Variants in TCF7L2 observed in about 807,000 individuals in gnomAD.
TCF7L2 encodes the protein transcription factor 7-like 2.
TCF7L2 carries 23 observed loss-of-function variants against 77.9 expected under a neutral mutation model. The ratio of observed to expected loss-of-function variants is 0.30; its 90% CI spans 0.21 to 0.42. TCF7L2 has a LOEUF of 0.42. TCF7L2 is among the 10% of genes least tolerant of loss of function. TCF7L2 has a pLI of 1.00. For missense variants in TCF7L2, 654 were observed against 793.1 expected, an observed-to-expected ratio of 0.82 and a Z score of 2.11; for synonymous variants, 413 against 340.2, an observed-to-expected ratio of 1.21 and a Z score of -2.36.
intron 4 of TCF7L2, among the ~76,000 whole-genome samples, chr10:112,976,971 T>C (rs1406868913): frequency 2.1e-5 from 3 of 144,852 alleles, no homozygotes; most frequent in African/African-American, 7.4e-5. Context: ...AAAAGCAATA[T>C]TACCTTTTTT....
At chr10:113,159,777 A>G in intron 12 of TCF7L2, 143 bp from the exon 14 acceptor site, 1 of 610,432 alleles carries the variant, frequency 1.6e-6, no homozygotes, top group Non-Finnish European at 2.9e-6. Flanking sequence ...TAACCAGGTC[A>G]TTGATTTATT....
intron 6 of TCF7L2, among the ~76,000 whole-genome samples, chr10:113,142,440 A>G (rs2068544735): frequency 6.6e-6 from 1 of 152,190 alleles, no homozygotes; most frequent in Non-Finnish European, 1.5e-5. Context: ...TTGGGAGAAC[A>G]GGTAAGGTTA....
intron 4 of TCF7L2, among the ~76,000 whole-genome samples, chr10:112,987,077 G>T (rs763978933): frequency 6.6e-6 from 1 of 152,170 alleles, no homozygotes; most frequent in Non-Finnish European, 1.5e-5. Flanking sequence ...ACGACAACCC[G>T]AGTTGTTCAT....
Position 113,126,916 on chromosome 10 carries a change from G to A in TCF7L2, c.553-14268G>A, listed in dbSNP as rs1168584000. The A allele has an allele frequency of 5.1e-6, 5 of 985,526 alleles. No individual in the cohort carries two copies. In the South Asian group the frequency reaches 2.3e-4, roughly 46 times the overall value. The allele number at this position is 985,526 out of a possible 1,614,324, so 61.0% of individuals were successfully genotyped here. On this transcript the variant is annotated intron_variant, in intron 5 of 13. Transcript: ENST00000627217. ...GCCGGCGGCGGGCGGGCGGGCAGGG[G>A]TGCGCGGTGGCCGGCCCGCTGCATC...
intron 5 of TCF7L2, among the ~76,000 whole-genome samples, chr10:113,075,346 C>G (rs1555013920): frequency 6.6e-6 from 1 of 152,056 alleles, no homozygotes; most frequent in Non-Finnish European, 1.5e-5. Context: ...GTAATCCGAG[C>G]TCTCCTGGAG....
At chr10:113,077,411 C>G (rs186161627) in intron 5 of TCF7L2, among the ~76,000 whole-genome samples, 3 of 152,264 alleles carry the variant, frequency 2.0e-5, no homozygotes, top group East Asian at 1.9e-4. Flanking sequence ...ATTTGCAGAA[C>G]TATGCAACCA....
intron 4 of TCF7L2, among the ~76,000 whole-genome samples, chr10:112,969,949 A>G (rs763629120): frequency 2.2e-4 from 33 of 152,244 alleles, no homozygotes; most frequent in Non-Finnish European, 4.4e-4. Flanking sequence ...ACCTATGAGC[A>G]CTGTTGTGAT....
intron 4 of TCF7L2, among the ~76,000 whole-genome samples, chr10:112,991,908 G>A (rs1227005191): frequency 6.6e-6 from 1 of 152,198 alleles, no homozygotes; most frequent in Non-Finnish European, 1.5e-5. Flanking sequence ...ATACAGAGGT[G>A]GCTGTTGGGG....
intron 5 of TCF7L2, among the ~76,000 whole-genome samples, chr10:113,071,175 C>T (rs1035608717): frequency 2.0e-5 from 3 of 152,168 alleles, no homozygotes; most frequent in South Asian, 2.1e-4. Flanking sequence ...CCTCCCTACC[C>T]GCTTTGCTAC....
At chr10:112,976,462 A>G (rs2039443135) in intron 4 of TCF7L2, among the ~76,000 whole-genome samples, 1 of 152,190 alleles carries the variant, frequency 6.6e-6, no homozygotes, top group African/African-American at 2.4e-5. Context: ...TGACTAGAAT[A>G]TAAGCACTTC....
chr10:113,146,359 C>A (rs1427585109), intron 8 of TCF7L2, among the ~76,000 whole-genome samples: 1 of 152,174 alleles, frequency 6.6e-6, no homozygotes, highest in Non-Finnish European at 1.5e-5. Flanking sequence ...AAGGGAGAAA[C>A]AGGACAGAAG....
intron 6 of TCF7L2, 110 bp downstream of exon 6, chr10:113,141,426 G>T: frequency 2.7e-6 from 4 of 1,481,606 alleles, no homozygotes; most frequent in Middle Eastern, 1.8e-4. Flanking sequence ...GACTTTGGGG[G>T]AACGGTGGTG....
chr10:113,090,635 G>A (rs1348510004), intron 5 of TCF7L2, among the ~76,000 whole-genome samples: 1 of 151,320 alleles, frequency 6.6e-6, no homozygotes, highest in African/African-American at 2.5e-5. Context: ...TTTTGAGATA[G>A]AGTCTCGCTC....
Position 113,167,068 on chromosome 10 carries a change from A to G in TCF7L2, c.*1096A>G. On this transcript the variant is annotated 3_prime_UTR_variant, in exon 14 of 14. Coordinates refer to ENST00000627217, the MANE Select transcript of TCF7L2 (RefSeq NM_001146274.2). ...CCGGACTGACCGTGTACAAAACTTT[A>G]CGTGCCAAAATTCTCAGTGAATTTA... 1 of 230,936 alleles carries G rather than the reference A, an allele frequency of 4.3e-6. No homozygotes were observed. The highest frequency in any genetic ancestry group is 5.6e-5 in the Admixed American group (1 of 17,720). The allele number at this position is 230,936 out of a possible 1,614,324, so 14.3% of individuals were successfully genotyped here.
intron 5 of TCF7L2, among the ~76,000 whole-genome samples, chr10:113,080,630 T>C (rs1166401517): frequency 6.6e-6 from 1 of 152,250 alleles, no homozygotes; most frequent in Non-Finnish European, 1.5e-5. Flanking sequence ...TTTCATAATA[T>C]CTGAAAAGAA....
intron 5 of TCF7L2, among the ~76,000 whole-genome samples, chr10:113,044,830 G>C (rs139818857): frequency 1.3e-5 from 2 of 152,212 alleles, no homozygotes; most frequent in Non-Finnish European, 2.9e-5. Context: ...GGAGGCTAGA[G>C]GTCGGGCAGG....
At chr10:113,061,974 T>TTCTA (rs2056523676) in intron 5 of TCF7L2, among the ~76,000 whole-genome samples, 1 of 152,216 alleles carries the variant, frequency 6.6e-6, no homozygotes, top group Admixed American at 6.5e-5. Context: ...GCAAACACCG[T>TTCTA]CATTCTACAT....
intron 5 of TCF7L2, among the ~76,000 whole-genome samples, chr10:113,041,555 G>A (rs1285749821): frequency 6.6e-6 from 1 of 152,172 alleles, no homozygotes; most frequent in Non-Finnish European, 1.5e-5. Context: ...CCTACAGGAG[G>A]TGAAAATAAC....
intron 3 of TCF7L2, among the ~76,000 whole-genome samples, chr10:112,964,331 A>G (rs1252484910): frequency 6.6e-6 from 1 of 152,118 alleles, no homozygotes; most frequent in African/African-American, 2.4e-5. Context: ...TGCTTATTGA[A>G]TAGGTGCTTA....
Sources: allele counts gnomAD v4.1 joint callset (sites outside exome capture counted in the v4.1 genomes callset), GRCh38; gene constraint gnomAD v4.1.1; transcripts MANE v1.5; gene names NCBI Gene and HGNC (gene_info 2026-07-23, HGNC 2026-07-21).